ANKS1A: variants seen among roughly 807,000 people sequenced by gnomAD.
ANKS1A encodes ankyrin repeat and SAM domain-containing protein 1A.
In ANKS1A, 55 loss-of-function variants were observed where a neutral mutation model predicts 120.3. The ratio of observed to expected loss-of-function variants is 0.46; its 90% confidence interval spans 0.37 to 0.57. The LOEUF (loss-of-function observed/expected upper bound fraction) is 0.57. Ranked by LOEUF, ANKS1A falls within the 20% of genes least tolerant of loss-of-function variation. ANKS1A has a pLI of 0.00. For missense variants in ANKS1A, 1,123 were observed against 1,480.3 expected (o/e 0.76, Z 3.96); for synonymous variants, 590 against 604.7 (o/e 0.98, Z 0.36).
At chr6:34,957,304 A>T (rs1433073451) in intron 1 of ANKS1A, among the ~76,000 whole-genome samples, 5 of 152,166 alleles carry the variant, frequency 3.3e-5, no homozygotes, top group African/African-American at 9.7e-5. Flanking sequence ...TGAAGATTAC[A>T]AGCTTCTCTG....
chr6:34,941,945 T>A (rs1434681834), intron 1 of ANKS1A, among the ~76,000 whole-genome samples: 2 of 152,194 alleles, frequency 1.3e-5, no homozygotes, highest in African/African-American at 4.8e-5. Flanking sequence ...GTTCTCTATG[T>A]AGTTGTTGTT....
chr6:35,051,151 G>A (rs371978989), intron 11 of ANKS1A, among the ~76,000 whole-genome samples: 2 of 151,864 alleles, frequency 1.3e-5, no homozygotes, highest in East Asian at 1.9e-4. Flanking sequence ...CCATGATTGC[G>A]CCACTGCACT....
intron 8 of ANKS1A, among the ~76,000 whole-genome samples, chr6:34,986,317 A>AC (rs1285636561): frequency 3.9e-5 from 6 of 152,108 alleles, no homozygotes; most frequent in African/African-American, 1.2e-4. Context: ...AAGATAACTT[A>AC]CCCCTGGCTT....
chr6:34,950,107 G>T (rs1769997210), intron 1 of ANKS1A, among the ~76,000 whole-genome samples: 1 of 152,066 alleles, frequency 6.6e-6, no homozygotes, highest in Non-Finnish European at 1.5e-5. Flanking sequence ...TTGAATCCAG[G>T]AGCTTGAGGT....
chr6:34,923,293 T>C (rs1473175344), intron 1 of ANKS1A, among the ~76,000 whole-genome samples: 3 of 152,220 alleles, frequency 2.0e-5, no homozygotes, highest in Non-Finnish European at 1.5e-5. Flanking sequence ...TATAGAATAC[T>C]GACTTTAAAA....
At chr6:35,006,178 ACT>A (rs1159967387) in intron 10 of ANKS1A, among the ~76,000 whole-genome samples, 10 of 105,686 alleles carry the variant, frequency 9.5e-5, no homozygotes, top group Admixed American at 4.3e-4. Context: ...ACAGAGCAAG[ACT>A]CTGTCTTAAA....
chr6:35,074,272 C>T (rs191922690), intron 13 of ANKS1A, among the ~76,000 whole-genome samples: 9 of 152,330 alleles, frequency 5.9e-5, no homozygotes, highest in Admixed American at 5.2e-4. Flanking sequence ...TCAGCTCAGC[C>T]GTTCGCTTTG....
In ANKS1A at chr6:35,085,121, G is replaced by A. The variant is rs1044769572; in HGVS notation, c.3133-645G>A. 2.0e-5 allele frequency among the ~76,000 whole-genome samples: 3 copies of A among 152,164 alleles called. No individual in the cohort carries two copies. The highest frequency in any genetic ancestry group is 4.4e-5 in the Non-Finnish European group (3 of 68,030). Reference sequence around the variant, plus strand: ...GCCAGTGAAGGTTAGGAGGAACCAGGCTTTGCTGCTTGCTGGCTGTGTGAG... The same window carrying A: ...GCCAGTGAAGGTTAGGAGGAACCAGACTTTGCTGCTTGCTGGCTGTGTGAG... On this transcript the variant is annotated intron_variant, in intron 21 of 23. Coordinates refer to ENST00000360359, the MANE Select transcript of ANKS1A (RefSeq NM_015245.3). This position sits in a 1 kb window ranked among gnomAD's most constrained non-coding sequence, Gnocchi z 4.7.
chr6:34,984,111 A>G (rs892523769), intron 7 of ANKS1A, among the ~76,000 whole-genome samples: 8 of 152,092 alleles, frequency 5.3e-5, no homozygotes, highest in African/African-American at 1.9e-4. Flanking sequence ...AATGAGTATC[A>G]TCTGATTGGT....
intron 8 of ANKS1A, among the ~76,000 whole-genome samples, chr6:34,986,254 G>A (rs947756053): frequency 1.3e-5 from 2 of 152,136 alleles, no homozygotes; most frequent in Admixed American, 6.5e-5. Flanking sequence ...TTGTACCATC[G>A]CAGGTCAGAC....
intron 11 of ANKS1A, among the ~76,000 whole-genome samples, chr6:35,021,857 G>C (rs1774359273): frequency 6.6e-6 from 1 of 152,122 alleles, no homozygotes; most frequent in Non-Finnish European, 1.5e-5. Flanking sequence ...ATGGTAGAAT[G>C]TGTCAGTAGT....
In ANKS1A at chr6:35,057,713, G is replaced by C. The variant is rs906635840; in HGVS notation, c.2078-2434G>C. On this transcript the variant is annotated intron_variant, in intron 12 of 23. Transcript: ENST00000360359. This position sits in a 1 kb window ranked among gnomAD's most constrained non-coding sequence, Gnocchi z 4.1. ...CCCTGGGCTCTAACAGGCCCCAAGA[G>C]AAGTCCGTCCCCAATTTGTTTGGTA... is the stretch of plus-strand genomic sequence containing the variant. Among the ~76,000 whole-genome samples the C allele has an allele frequency of 4.6e-5, 7 of 152,244 alleles. No homozygotes were observed. The highest frequency in any genetic ancestry group is 2.0e-4 in the Admixed American group (3 of 15,286).
At chr6:34,967,541 ATT>A (rs1159802174) in intron 2 of ANKS1A, among the ~76,000 whole-genome samples, 14 of 147,218 alleles carry the variant, frequency 9.5e-5, no homozygotes, top group African/African-American at 3.4e-4. Context: ...AAAAAAAAAA[ATT>A]TTTTTAATTA....
At chr6:34,922,934 G>A (rs1436490753) in intron 1 of ANKS1A, among the ~76,000 whole-genome samples, 8 of 151,974 alleles carry the variant, frequency 5.3e-5, no homozygotes, top group African/African-American at 1.7e-4. Flanking sequence ...ATTGTGATCC[G>A]CCCCTCTCGG....
chr6:34,989,224 A>G lies in ANKS1A; in HGVS notation c.1210A>G (p.Arg404Gly), dbSNP rs535121563. 6.2e-7 allele frequency: 1 copy of G among 1,613,338 alleles called. No homozygotes were observed. Among genetic ancestry groups the G allele is most frequent in the East Asian group, 2.2e-5 (1 of 44,862 alleles). The change falls in exon 9 of 24, where the codon AGG (arginine) becomes GGG (glycine). Residue 404 changes from arginine (R) to glycine (G), a missense_variant and splice_region_variant. By Grantham distance (125) the Arg-to-Gly change is moderately radical (BLOSUM62 -2). Coordinates refer to ENST00000360359, the MANE Select transcript of ANKS1A (RefSeq NM_015245.3). ...ATATTTATTTTTTTCTCTTCTGCAG[A>G]GGGAACGTCCACCACCTCCAGCAAA... Reference protein sequence around the residue: ...AGVKPAGVRPRERPPPPAKPP... With the variant: ...AGVKPAGVRPGERPPPPAKPP...
At chr6:35,083,960 GACCCCC>G (rs1777822702) in intron 20 of ANKS1A, among the ~76,000 whole-genome samples, 155 bp from the exon 21 acceptor site, 1 of 152,148 alleles carries the variant, frequency 6.6e-6, no homozygotes, top group Non-Finnish European at 1.5e-5. Context: ...CAAAATCGGG[GACCCCC>G]ACCCCCACCA....
chr6:35,086,804 C>T lies in ANKS1A; in HGVS notation c.3304-148C>T, dbSNP rs1463446824. 3.8e-6 allele frequency: 3 copies of T among 780,344 alleles called. No individual in the cohort carries two copies. The East Asian group carries it at 7.5e-5, about 20-fold the overall frequency. The allele number at this position is 780,344 out of a possible 1,614,324, so 48.3% of individuals were successfully genotyped here. ...GGAGGGTGTCCCTCCTCCGCCTGCC[C>T]CCAGGGGCCTGCTCTTTGGCCGAGG... On this transcript the variant is annotated intron_variant, in intron 22 of 23. Coordinates refer to ENST00000360359, the MANE Select transcript of ANKS1A (RefSeq NM_015245.3). The surrounding 1 kb of genome is among the most constrained non-coding windows in gnomAD (Gnocchi z 5.1).
At chr6:34,979,426 A>G (rs1561886922) in intron 3 of ANKS1A, among the ~76,000 whole-genome samples, 1 of 152,160 alleles carries the variant, frequency 6.6e-6, no homozygotes, top group Non-Finnish European at 1.5e-5. Flanking sequence ...TGCTCCCTAT[A>G]CTGTGTCTAT....
Position 35,079,627 on chromosome 6 carries a change from A to T in ANKS1A, c.2395A>T (p.Ile799Phe), listed in dbSNP as rs1239590827. 1 of 1,614,150 alleles carries T rather than the reference A, an allele frequency of 6.2e-7. No individual in the cohort carries two copies. Among genetic ancestry groups the T allele is most frequent in the African/African-American group, 1.3e-5 (1 of 75,032 alleles). ...CTTCTTGTCAAGTGGTTACAGCTCC[A>T]TTGACACCGTGAAGAACCTCTGGGA... Reference protein sequence around the residue: ...HSFLSSGYSSIDTVKNLWELE... With the variant: ...HSFLSSGYSSFDTVKNLWELE... The change falls in exon 15 of 24, where the codon ATT becomes TTT. Residue 799 changes from isoleucine (I) to phenylalanine (F), a missense_variant. By Grantham distance (21) the Ile-to-Phe change is conservative. Coordinates refer to ENST00000360359, the MANE Select transcript of ANKS1A (RefSeq NM_015245.3).
Sources: allele counts gnomAD v4.1 joint callset (sites outside exome capture counted in the v4.1 genomes callset), GRCh38; gene constraint gnomAD v4.1.1; non-coding constraint Gnocchi (gnomAD v3.1); transcripts MANE v1.5; gene names NCBI Gene and HGNC (gene_info 2026-07-23, HGNC 2026-07-21).